Variants in PARD3B observed in about 807,000 individuals in gnomAD.
The protein encoded by PARD3B is par-3 family cell polarity regulator beta.
In PARD3B, 103 loss-of-function variants were observed where a neutral mutation model predicts 130.2. That is an observed-to-expected ratio of 0.79 (90% CI 0.67 to 0.93). The LOEUF (loss-of-function observed/expected upper bound fraction) is 0.93. Ranked by LOEUF, PARD3B falls within the 40% of genes least tolerant of loss-of-function variation. The pLI is 0.00. For missense variants in PARD3B, 1,609 were observed against 1,499.2 expected, an observed-to-expected ratio of 1.07 and a Z score of -1.21; for synonymous variants, 583 against 553.2, an observed-to-expected ratio of 1.05 and a Z score of -0.76.
chr2:205,032,487 G>A (rs1697496814), intron 3 of PARD3B, among the ~76,000 whole-genome samples: 2 of 152,134 alleles, frequency 1.3e-5, no homozygotes, highest in Non-Finnish European at 2.9e-5. Flanking sequence ...TGGGTCAAAT[G>A]AGGTCTCAAA....
At chr2:205,496,622 T>C (rs1395031093) in intron 20 of PARD3B, among the ~76,000 whole-genome samples, 2 of 152,168 alleles carry the variant, frequency 1.3e-5, no homozygotes, top group African/African-American at 4.8e-5. Context: ...ACTTTCTGAA[T>C]CCTGAACAGC....
chr2:205,502,728 C>T (rs1394782623), intron 21 of PARD3B, among the ~76,000 whole-genome samples: 1 of 152,108 alleles, frequency 6.6e-6, no homozygotes, highest in African/African-American at 2.4e-5. Context: ...TGAAAGTATG[C>T]TCACTGAAGT....
chr2:204,924,985 A>G (rs1201882592), intron 2 of PARD3B, among the ~76,000 whole-genome samples: 2 of 152,096 alleles, frequency 1.3e-5, no homozygotes, highest in Admixed American at 1.3e-4. Flanking sequence ...TCTGATATAT[A>G]TGCATATACA....
At position 204,862,586 on chromosome 2, in the gene PARD3B, TA is replaced by T. The variant is rs1318527501; in HGVS notation, c.223-102565del. 2.0e-5 allele frequency among the ~76,000 whole-genome samples: 3 copies of T among 152,330 alleles called. No homozygotes were observed. In the East Asian group the frequency reaches 5.8e-4, roughly 29 times the overall value. On this transcript the variant is annotated intron_variant, in intron 2 of 22. Coordinates refer to ENST00000406610, the MANE Select transcript of PARD3B (RefSeq NM_001302769.2). ...TAGATGGAATATATAAGGTTTATAC[TA>T]CATCAAAGACTGAATGGGTTTTAGT...
At chr2:204,898,445 A>G (rs1359236216) in intron 2 of PARD3B, among the ~76,000 whole-genome samples, 1 of 152,024 alleles carries the variant, frequency 6.6e-6, no homozygotes, top group Admixed American at 6.6e-5. Context: ...CACTTCCCCC[A>G]TCCACCTCTA....
chr2:205,250,790 A>G (rs1353643589), intron 16 of PARD3B, among the ~76,000 whole-genome samples: 1 of 152,086 alleles, frequency 6.6e-6, no homozygotes. Flanking sequence ...TTAGCTGGGC[A>G]TGGTGGCCCA....
chr2:205,369,093 C>T (rs928167545), intron 18 of PARD3B, among the ~76,000 whole-genome samples: 1 of 152,168 alleles, frequency 6.6e-6, no homozygotes, highest in Non-Finnish European at 1.5e-5. Context: ...AACACTTGCC[C>T]TCTTTTCTGT....
intron 1 of PARD3B, among the ~76,000 whole-genome samples, chr2:204,663,856 G>A (rs1305833191): frequency 6.6e-6 from 1 of 152,208 alleles, no homozygotes; most frequent in African/African-American, 2.4e-5. Context: ...ATATACGGTT[G>A]CATTATTATA....
In PARD3B at chr2:205,321,481, T is replaced by C. The variant is rs931814535; in HGVS notation, c.2630+19780T>C. 2.6e-5 allele frequency among the ~76,000 whole-genome samples: 4 copies of C among 151,192 alleles called. No individual in the cohort carries two copies. The highest frequency in any genetic ancestry group is 4.9e-5 in the African/African-American group (2 of 41,198). On this transcript the variant is annotated intron_variant, in intron 18 of 22. Coordinates refer to ENST00000406610, the MANE Select transcript of PARD3B (RefSeq NM_001302769.2). This position sits in a 1 kb window ranked among gnomAD's most constrained non-coding sequence, Gnocchi z 4.2. The stretch of plus-strand genomic sequence containing the variant: ...CTCTCTCTTCCTCTCTCTCTTTCCC[T>C]CTCTCTCTCTCTCCCCCCGCCCATA...
rs555823065 is a variant in PARD3B, at chr2:205,096,241, ATCT to A, written c.505-8180_505-8178del. 4.2e-3 allele frequency among the ~76,000 whole-genome samples: 643 copies of A among 152,154 alleles called. 9 individuals are homozygous for A. Among genetic ancestry groups the A allele is most frequent in the Non-Finnish European group, 5.6e-3 (384 of 67,990 alleles). On this transcript the variant is annotated intron_variant, in intron 4 of 22. Transcript: ENST00000406610. ...TTTATGCTTGGAATGGACCTTAAAAATCTTCTTATCCCCAATATAAAGAAAATA... is the reference window on the plus strand; with the variant it reads ...TTTATGCTTGGAATGGACCTTAAAAATCTTATCCCCAATATAAAGAAAATA...
At chr2:205,108,012 T>C (rs1046026684) in intron 5 of PARD3B, among the ~76,000 whole-genome samples, 1 of 152,186 alleles carries the variant, frequency 6.6e-6, no homozygotes, top group Non-Finnish European at 1.5e-5. Flanking sequence ...TTGCCTTTTG[T>C]TTCATTCTTA....
At chr2:205,130,232 G>T (rs186481811) in intron 10 of PARD3B, among the ~76,000 whole-genome samples, 1 of 152,116 alleles carries the variant, frequency 6.6e-6, no homozygotes, top group Non-Finnish European at 1.5e-5. Context: ...GATTAGTTTT[G>T]GTAATAGATT....
At chr2:205,449,378 C>T (rs1177460341) in intron 20 of PARD3B, among the ~76,000 whole-genome samples, 17 of 151,086 alleles carry the variant, frequency 1.1e-4, no homozygotes, top group African/African-American at 3.6e-4. Context: ...TACAGGTGCC[C>T]GCCACCACGC....
rs953930776 is a variant in PARD3B at position 205,105,577 on chromosome 2, A to G, written c.593+1063A>G. ...GTATGGATTCTCCTCAAACTTATTT[A>G]TAGCCACGTGAGCATAGTTACTCTT... On this transcript the variant is annotated intron_variant, in intron 5 of 22. Coordinates refer to ENST00000406610, the MANE Select transcript of PARD3B (RefSeq NM_001302769.2). This position sits in a 1 kb window ranked among gnomAD's most constrained non-coding sequence, Gnocchi z 4.0. Among the ~76,000 whole-genome samples the G allele has an allele frequency of 1.3e-5, 2 of 152,168 alleles. No homozygotes were observed. The highest frequency in any genetic ancestry group is 2.9e-5 in the Non-Finnish European group (2 of 68,034).
rs1321242111 is a variant in PARD3B, at chr2:205,585,342, G to A, written c.3261-30114G>A. Among the ~76,000 whole-genome samples the A allele has an allele frequency of 1.3e-5, 2 of 152,200 alleles. No individual in the cohort carries two copies. Among genetic ancestry groups the A allele is most frequent in the African/African-American group, 4.8e-5 (2 of 41,458 alleles). The stretch of plus-strand genomic sequence containing the variant: ...GTAGCCTTAGAGTGGATTCCACCCT[G>A]CTGGGGCTGGCTGTTTATAATGGCT... On this transcript the variant is annotated intron_variant, in intron 22 of 22. Coordinates refer to ENST00000406610, the MANE Select transcript of PARD3B (RefSeq NM_001302769.2). This position sits in a 1 kb window ranked among gnomAD's most constrained non-coding sequence, Gnocchi z 5.4.
chr2:205,390,510 C>T (rs1464258249), intron 18 of PARD3B, among the ~76,000 whole-genome samples: 9 of 152,194 alleles, frequency 5.9e-5, no homozygotes, highest in African/African-American at 1.9e-4. Flanking sequence ...AGAAAAGATG[C>T]GAATTTGGGC....
chr2:205,182,831 C>T (rs2035868717), intron 13 of PARD3B, among the ~76,000 whole-genome samples: 3 of 152,158 alleles, frequency 2.0e-5, no homozygotes, highest in Admixed American at 2.0e-4. Flanking sequence ...GGCACCTCGT[C>T]ACCTGGCTTT....
intron 2 of PARD3B, among the ~76,000 whole-genome samples, chr2:204,692,664 G>T (rs2037410971): frequency 6.6e-6 from 1 of 151,918 alleles, no homozygotes; most frequent in Non-Finnish European, 1.5e-5. Flanking sequence ...TCTTACTTTG[G>T]TTCATGGGAG....
chr2:204,975,109 A>G (rs570992156), intron 3 of PARD3B, among the ~76,000 whole-genome samples: 2 of 152,310 alleles, frequency 1.3e-5, no homozygotes, highest in Admixed American at 1.3e-4. Context: ...ATCTTACCTC[A>G]TAATAAATTC....
Sources: gnomAD v4.1 joint callset for allele counts (sites outside exome capture counted in the v4.1 genomes callset) on GRCh38, gnomAD v4.1.1 for gene constraint, Gnocchi (gnomAD v3.1) non-coding constraint, MANE v1.5 for transcripts, NCBI Gene and HGNC (gene_info 2026-07-23, HGNC 2026-07-21) for gene names.